Variants in LDLRAD3 observed in about 807,000 individuals in gnomAD.
LDLRAD3 encodes the protein low density lipoprotein receptor class A domain containing 3, also known as low-density lipoprotein receptor class A domain-containing protein 3.
A neutral mutation model predicts 29.4 loss-of-function variants in LDLRAD3; 20 were observed. The observed-to-expected ratio is 0.68, with a 90% CI of 0.48 to 0.99. LDLRAD3 has a LOEUF of 0.99. LDLRAD3 is among the 50% of genes least tolerant of loss of function. The pLI, the probability that LDLRAD3 is intolerant of heterozygous loss-of-function variation, is 0.00. For missense variants in LDLRAD3, 420 were observed against 454.3 expected (o/e 0.92, Z 0.69); for synonymous variants, 157 against 192.7 (o/e 0.81, Z 1.53).
chr11:35,988,142 C>T (rs1165891405), intron 1 of LDLRAD3, among the ~76,000 whole-genome samples: 1 of 152,172 alleles, frequency 6.6e-6, no homozygotes, highest in Admixed American at 6.5e-5. Context: ...ACTGCAGTCT[C>T]AATCTCGTCG....
intron 1 of LDLRAD3, among the ~76,000 whole-genome samples, chr11:36,026,628 C>T (rs140916642): frequency 1.1e-4 from 17 of 152,304 alleles, no homozygotes; most frequent in African/African-American, 3.9e-4. Flanking sequence ...GTAAAGAAGC[C>T]AGCTAAAACC....
intron 1 of LDLRAD3, among the ~76,000 whole-genome samples, chr11:36,014,047 T>C (rs1433026777): frequency 6.6e-6 from 1 of 152,228 alleles, no homozygotes; most frequent in Non-Finnish European, 1.5e-5. Context: ...TTTTTGGTTG[T>C]GTGTCCTGTT....
At position 36,175,373 on chromosome 11, in the gene LDLRAD3, T is replaced by C. The variant is rs146472022; in HGVS notation, c.455-51712T>C. ...TGGGCTTGGGTTTGCTTTGTTTTTGTTTCTCTAGTTCCTTTAGGTGTGACC... is the reference window on the plus strand; with the variant it reads ...TGGGCTTGGGTTTGCTTTGTTTTTGCTTCTCTAGTTCCTTTAGGTGTGACC... On this transcript the variant is annotated intron_variant, in intron 4 of 5. Coordinates refer to ENST00000315571, the MANE Select transcript of LDLRAD3 (RefSeq NM_174902.4). Among the ~76,000 whole-genome samples, 572 of 152,320 alleles carry C rather than the reference T, an allele frequency of 3.8e-3. 1 individual carries two copies. Among genetic ancestry groups the C allele is most frequent in the African/African-American group, 0.013 (537 of 41,572 alleles).
rs141380176 is a variant in LDLRAD3, at chr11:36,193,083, G to T, written c.455-34002G>T. Among the ~76,000 whole-genome samples the T allele has an allele frequency of 2.2e-3, 328 of 152,248 alleles. 3 individuals carry two copies. Among genetic ancestry groups the T allele is most frequent in the South Asian group, 0.011 (52 of 4,816 alleles). On this transcript the variant is annotated intron_variant, in intron 4 of 5. Transcript: ENST00000315571. The stretch of plus-strand genomic sequence containing the variant: ...CTATCATACATTAGCTATTAACTCA[G>T]TATTATATTTGCTGTATCATTGTGG...
In LDLRAD3 at chr11:36,144,285, C is replaced by A. The variant is rs1263765575; in HGVS notation, c.454+45824C>A. 2.6e-5 allele frequency among the ~76,000 whole-genome samples: 4 copies of A among 151,366 alleles called. No individual in the cohort carries two copies. In the East Asian group the frequency reaches 8.1e-4, roughly 31 times the overall value. On this transcript the variant is annotated intron_variant, in intron 4 of 5. Coordinates refer to ENST00000315571, the MANE Select transcript of LDLRAD3 (RefSeq NM_174902.4). ...GCGTGATCTCGGCTCGCTACAACCT[C>A]CACCTCCCAGCTGCCTGCCTTGGCC...
chr11:36,094,517 A>G (rs942919352), intron 3 of LDLRAD3, among the ~76,000 whole-genome samples: 1 of 152,186 alleles, frequency 6.6e-6, no homozygotes, highest in African/African-American at 2.4e-5. Flanking sequence ...ATTCTTTATA[A>G]GTAAACATTT....
intron 4 of LDLRAD3, among the ~76,000 whole-genome samples, chr11:36,107,583 T>C (rs1002751574): frequency 2.0e-5 from 3 of 152,206 alleles, no homozygotes; most frequent in Admixed American, 6.5e-5. Context: ...CATGAAATTA[T>C]AATACCATGT....
rs147771315 is a variant in LDLRAD3 at position 36,207,617 on chromosome 11, T to C, written c.455-19468T>C. ...GTAAGCCATGATTGTGCCACTGCAC[T>C]CCAGCCTGGGTGTTGGAGTGTGAAG... On this transcript the variant is annotated intron_variant, in intron 4 of 5. Coordinates refer to ENST00000315571, the MANE Select transcript of LDLRAD3 (RefSeq NM_174902.4). 2.0e-3 allele frequency among the ~76,000 whole-genome samples: 306 copies of C among 152,178 alleles called. 3 individuals carry two copies. Among genetic ancestry groups the C allele is most frequent in the African/African-American group, 6.8e-3 (283 of 41,506 alleles).
chr11:35,954,569 G>C (rs915227921), intron 1 of LDLRAD3, among the ~76,000 whole-genome samples: 1 of 152,184 alleles, frequency 6.6e-6, no homozygotes, highest in Non-Finnish European at 1.5e-5. Context: ...CTTTGAAAAA[G>C]AGACGGAATT....
At chr11:36,050,555 C>G (rs2133222792) in intron 2 of LDLRAD3, among the ~76,000 whole-genome samples, 1 of 152,294 alleles carries the variant, frequency 6.6e-6, no homozygotes, top group South Asian at 2.1e-4. Flanking sequence ...ATGGAGGCCA[C>G]TGGCCAGTCT....
chr11:35,958,036 G>A (rs903071050), intron 1 of LDLRAD3, among the ~76,000 whole-genome samples: 1 of 152,114 alleles, frequency 6.6e-6, no homozygotes, highest in African/African-American at 2.4e-5. Context: ...AAACACTGGA[G>A]ACTAACAAAA....
rs534403391 is a variant in LDLRAD3, at chr11:36,121,511, C to A, written c.454+23050C>A. ...CCCTGTCCTGTAAAACAGCAAGGGC[C>A]CACTTTGTCCACCACCACAATGGCG... On this transcript the variant is annotated intron_variant, in intron 4 of 5. Coordinates refer to ENST00000315571, the MANE Select transcript of LDLRAD3 (RefSeq NM_174902.4). Among the ~76,000 whole-genome samples, 9 of 152,270 alleles carry A rather than the reference C, an allele frequency of 5.9e-5. No individual in the cohort carries two copies. The East Asian group carries it at 1.7e-3, about 29-fold the overall frequency.
intron 4 of LDLRAD3, among the ~76,000 whole-genome samples, chr11:36,132,713 C>G (rs1229185954): frequency 2.0e-5 from 3 of 152,150 alleles, no homozygotes; most frequent in Non-Finnish European, 2.9e-5. Context: ...CCTTACAGTC[C>G]CGATAGGAGA....
At chr11:35,955,242 C>T (rs920297593) in intron 1 of LDLRAD3, among the ~76,000 whole-genome samples, 1 of 152,088 alleles carries the variant, frequency 6.6e-6, no homozygotes, top group Admixed American at 6.5e-5. Flanking sequence ...GAGACTCTCT[C>T]TCAAAACAAA....
intron 1 of LDLRAD3, among the ~76,000 whole-genome samples, chr11:35,962,716 C>T (rs1267477437): frequency 2.0e-5 from 3 of 151,952 alleles, no homozygotes; most frequent in South Asian, 2.1e-4. Flanking sequence ...TATTTGTTTG[C>T]GAGATGGAAG....
chr11:36,222,637 GAACACC>G (rs1262564822), intron 4 of LDLRAD3, among the ~76,000 whole-genome samples: 1 of 152,166 alleles, frequency 6.6e-6, no homozygotes, highest in Non-Finnish European at 1.5e-5. Flanking sequence ...GGAAGTGAAA[GAACACC>G]AAGTCACAAG....
chr11:36,140,222 A>G (rs1278489697), intron 4 of LDLRAD3, among the ~76,000 whole-genome samples: 1 of 152,180 alleles, frequency 6.6e-6, no homozygotes, highest in East Asian at 1.9e-4. Flanking sequence ...CCATGAGCCT[A>G]TGAGGGGATG....
At chr11:36,119,507 G>GTT (rs34921040) in intron 4 of LDLRAD3, among the ~76,000 whole-genome samples, 85 of 147,530 alleles carry the variant, frequency 5.8e-4, no homozygotes, top group Admixed American at 1.1e-3. Flanking sequence ...TCTCTGTGTT[G>GTT]TTTTTTTTTT....
At position 36,198,568 on chromosome 11, in the gene LDLRAD3, TC is replaced by T. The variant is rs752964646; in HGVS notation, c.455-28510del. Among the ~76,000 whole-genome samples, 7 of 152,188 alleles carry T rather than the reference TC, an allele frequency of 4.6e-5. No homozygotes were observed. The East Asian group carries it at 1.4e-3, about 29-fold the overall frequency. On this transcript the variant is annotated intron_variant, in intron 4 of 5. Coordinates refer to ENST00000315571, the MANE Select transcript of LDLRAD3 (RefSeq NM_174902.4). The stretch of plus-strand genomic sequence containing the variant: ...AGCTCAGTTCCGTGCCTGGTTTGCT[TC>T]CCCCCCATCCCACTCCTGCCTCTGC...
Sources: gnomAD v4.1 joint callset for allele counts (sites outside exome capture counted in the v4.1 genomes callset) on GRCh38, gnomAD v4.1.1 for gene constraint, MANE v1.5 for transcripts, NCBI Gene and HGNC (gene_info 2026-07-23, HGNC 2026-07-21) for gene names.